FOXP1: variants seen among roughly 807,000 people sequenced by gnomAD.
The protein encoded by FOXP1 is forkhead box protein P1.
In FOXP1, 15 loss-of-function variants were observed where a neutral mutation model predicts 98.2. That is an observed-to-expected ratio of 0.15 (90% confidence interval 0.10 to 0.24). The LOEUF (loss-of-function observed/expected upper bound fraction) is 0.24, where lower values mean the gene tolerates loss of function less well. FOXP1 is among the 10% of genes least tolerant of loss of function. FOXP1 has a pLI of 1.00. For missense variants in FOXP1, 633 were observed against 848.5 expected, an observed-to-expected ratio of 0.75 and a Z score of 3.15; for synonymous variants, 371 against 314.5, an observed-to-expected ratio of 1.18 and a Z score of -1.90.
At chr3:71,016,179 A>G (rs1243048923) in intron 11 of FOXP1, among the ~76,000 whole-genome samples, 1 of 152,176 alleles carries the variant, frequency 6.6e-6, no homozygotes, top group Non-Finnish European at 1.5e-5. Flanking sequence ...AGGAAGACAA[A>G]TGTATCCAAG....
chr3:71,015,738 G>A (rs963136179), intron 11 of FOXP1, 85 bp from the exon 12 acceptor site: 6 of 837,218 alleles, frequency 7.2e-6, no homozygotes, highest in African/African-American at 6.8e-5. Flanking sequence ...GGCAGGAGGA[G>A]CCCACATGGC....
At chr3:71,430,213 C>T (rs1168313945) in intron 3 of FOXP1, among the ~76,000 whole-genome samples, 1 of 152,182 alleles carries the variant, frequency 6.6e-6, no homozygotes, top group African/African-American at 2.4e-5. Flanking sequence ...GACTCGAGGA[C>T]TTTGCAGCGT....
intron 12 of FOXP1, among the ~76,000 whole-genome samples, chr3:71,015,264 A>C (rs923273220): frequency 2.6e-5 from 4 of 152,204 alleles, no homozygotes; most frequent in African/African-American, 9.6e-5. Flanking sequence ...TGCAAGTTTA[A>C]TACTGGAATC....
intron 4 of FOXP1, among the ~76,000 whole-genome samples, chr3:71,353,789 T>C (rs1260236008): frequency 6.6e-6 from 1 of 152,128 alleles, no homozygotes; most frequent in Non-Finnish European, 1.5e-5. Context: ...AGCTTTTACA[T>C]AAAAAATTCA....
At position 71,064,887 on chromosome 3, in the gene FOXP1, G is replaced by C. The variant is rs958350616; in HGVS notation, c.283-11114C>G. ...GGCTCGGGGCGCCCGCGCGGGCCGG[G>C]CGTGGGGTCCGGCGGCCTCGGCGTG... On this transcript the variant is annotated intron_variant, in intron 7 of 20. Transcript: ENST00000649528. 3.4e-6 allele frequency: 3 copies of C among 881,664 alleles called. No individual in the cohort carries two copies. The East Asian group carries it at 3.7e-4, about 108-fold the overall frequency. 54.6% of individuals were successfully genotyped at this position (881,664 alleles called of 1,614,324 possible).
chr3:71,059,063 T>C (rs1391297680), intron 7 of FOXP1, among the ~76,000 whole-genome samples: 1 of 152,168 alleles, frequency 6.6e-6, no homozygotes, highest in Non-Finnish European at 1.5e-5. Context: ...TAGTCAGTCA[T>C]TAGCATAACA....
At chr3:71,117,371 G>A (rs920230534) in intron 6 of FOXP1, among the ~76,000 whole-genome samples, 2 of 152,228 alleles carry the variant, frequency 1.3e-5, no homozygotes, top group African/African-American at 2.4e-5. Context: ...ACAAGTGTGA[G>A]CCACTGTGGC....
rs534481199 is a variant in FOXP1, at chr3:71,283,501, T to A, written c.-12+16319A>T. On this transcript the variant is annotated intron_variant, in intron 5 of 20. Coordinates refer to ENST00000649528, the MANE Select transcript of FOXP1 (RefSeq NM_001349338.3). ...TTCTTGGGCTGGAGAGGACAGGACC[T>A]ACATGACGGTGTGTCCTCCATGTGA... 3.8e-4 allele frequency among the ~76,000 whole-genome samples: 58 copies of A among 152,270 alleles called. 1 individual carries two copies. In the South Asian group the frequency reaches 6.2e-3, roughly 16 times the overall value.
At chr3:71,075,545 A>G (rs144223461) in intron 7 of FOXP1, among the ~76,000 whole-genome samples, 21 of 152,296 alleles carry the variant, frequency 1.4e-4, no homozygotes, top group African/African-American at 4.8e-4. Flanking sequence ...GTTGTTTTTT[A>G]ACCAGGGTCA....
At chr3:71,068,222 C>T (rs531092707) in intron 7 of FOXP1, among the ~76,000 whole-genome samples, 33 of 152,296 alleles carry the variant, frequency 2.2e-4, no homozygotes, top group African/African-American at 7.7e-4. Flanking sequence ...TGGCTGTGCA[C>T]TTAAGAACAG....
chr3:71,307,594 C>A (rs1427230592), intron 4 of FOXP1, among the ~76,000 whole-genome samples: 1 of 152,112 alleles, frequency 6.6e-6, no homozygotes, highest in Non-Finnish European at 1.5e-5. Context: ...GTTAGATAAC[C>A]CAGGTCCATA....
At chr3:71,368,458 T>G (rs1436822114) in intron 3 of FOXP1, among the ~76,000 whole-genome samples, 1 of 152,158 alleles carries the variant, frequency 6.6e-6, no homozygotes. Context: ...GACATCCTCT[T>G]CATGACATGC....
chr3:71,279,529 A>T (rs958478331), intron 5 of FOXP1, among the ~76,000 whole-genome samples: 1 of 152,144 alleles, frequency 6.6e-6, no homozygotes, highest in Non-Finnish European at 1.5e-5. Flanking sequence ...CACAAGAAAA[A>T]ACTAGTCAGC....
chr3:71,071,868 G>A (rs999291416), intron 7 of FOXP1, among the ~76,000 whole-genome samples: 5 of 152,084 alleles, frequency 3.3e-5, no homozygotes, highest in East Asian at 1.9e-4. Flanking sequence ...GAGCCACTGC[G>A]CCCAGCCTCT....
intron 11 of FOXP1, among the ~76,000 whole-genome samples, chr3:71,030,163 C>T (rs553563357): frequency 6.6e-6 from 1 of 152,314 alleles, no homozygotes; most frequent in Admixed American, 6.5e-5. Context: ...CCCTTCTCTA[C>T]CTTTAATTCA....
At chr3:71,479,615 G>A (rs1409988065) in intron 3 of FOXP1, among the ~76,000 whole-genome samples, 2 of 149,214 alleles carry the variant, frequency 1.3e-5, no homozygotes, top group African/African-American at 5.0e-5. Context: ...GGAGGTGGAG[G>A]CTGCAATGAG....
chr3:71,223,685 C>G (rs2065592602), intron 5 of FOXP1, among the ~76,000 whole-genome samples: 1 of 131,058 alleles, frequency 7.6e-6, no homozygotes, highest in Non-Finnish European at 1.6e-5. Flanking sequence ...CAGAGCGAGA[C>G]TACGTCTCAA....
chr3:71,348,600 GTGTA>G (rs1292569870), intron 4 of FOXP1, among the ~76,000 whole-genome samples: 2 of 151,520 alleles, frequency 1.3e-5, no homozygotes, highest in Admixed American at 6.6e-5. Context: ...ACATGCAGGT[GTGTA>G]TGTGTGTGCA....
chr3:71,111,809 A>G (rs1018630221), intron 7 of FOXP1, among the ~76,000 whole-genome samples: 16 of 152,204 alleles, frequency 1.1e-4, no homozygotes, highest in Admixed American at 1.0e-3. Context: ...TCTTTACATA[A>G]AAATTTCTTG....
Sources: allele counts gnomAD v4.1 joint callset (sites outside exome capture counted in the v4.1 genomes callset), GRCh38; gene constraint gnomAD v4.1.1; transcripts MANE v1.5; gene names NCBI Gene and HGNC (gene_info 2026-07-23, HGNC 2026-07-21).